Variants in RHOA observed in about 807,000 individuals in gnomAD.
RHOA encodes transforming protein RhoA.
RHOA carries 3 observed loss-of-function variants against 17.5 expected under a neutral mutation model. That is an observed-to-expected ratio of 0.17 (90% CI 0.08 to 0.44). The LOEUF (loss-of-function observed/expected upper bound fraction) is 0.44. RHOA is among the 20% of genes least tolerant of loss of function. The pLI, the probability that RHOA is intolerant of heterozygous loss-of-function variation, is 0.99. For synonymous variants in RHOA, 98 were observed against 88.4 expected (o/e 1.11, Z -0.61); for missense variants, 56 against 242.3 (o/e 0.23, Z 5.10).
intron 1 of RHOA, among the ~76,000 whole-genome samples, chr3:49,384,157 A>G (rs1248692093): frequency 6.6e-6 from 1 of 152,234 alleles, no homozygotes; most frequent in African/African-American, 2.4e-5. Flanking sequence ...GACAAAATGA[A>G]AGCCTAAGTG....
chr3:49,368,202 C>T (rs1424728409), intron 3 of RHOA, among the ~76,000 whole-genome samples: 6 of 152,152 alleles, frequency 3.9e-5, no homozygotes, highest in African/African-American at 7.2e-5. Context: ...TGTCAGGCAC[C>T]GTGCCCTGCC....
At chr3:49,401,184 G>A (rs905430981) in intron 1 of RHOA, among the ~76,000 whole-genome samples, 2 of 151,906 alleles carry the variant, frequency 1.3e-5, no homozygotes, top group East Asian at 1.9e-4. Flanking sequence ...TTGACCTTAG[G>A]AAGTTACTTC....
intron 2 of RHOA, 86 bp downstream of exon 2, chr3:49,375,348 A>T (rs1244386236): frequency 7.7e-7 from 1 of 1,305,268 alleles, no homozygotes; most frequent in Non-Finnish European, 1.1e-6. Context: ...GGTATACTGA[A>T]GAGGCAAAAA....
chr3:49,392,846 T>C (rs369214861), intron 1 of RHOA, among the ~76,000 whole-genome samples: 3 of 152,222 alleles, frequency 2.0e-5, no homozygotes, highest in African/African-American at 7.2e-5. Flanking sequence ...CAATTTAATG[T>C]CACAAATTTT....
chr3:49,411,550 G>A (rs113820926), intron 1 of RHOA, among the ~76,000 whole-genome samples: 1 of 152,042 alleles, frequency 6.6e-6, no homozygotes, highest in African/African-American at 2.4e-5. Context: ...GCGGGCAGGC[G>A]GGCAGCCTGG....
At chr3:49,376,283 G>A (rs2048225324) in intron 1 of RHOA, among the ~76,000 whole-genome samples, 1 of 152,084 alleles carries the variant, frequency 6.6e-6, no homozygotes, top group East Asian at 1.9e-4. Flanking sequence ...TGTAATGTGG[G>A]AAATCCTAAA....
intron 1 of RHOA, among the ~76,000 whole-genome samples, chr3:49,382,460 C>T (rs1438578272): frequency 6.6e-6 from 1 of 152,002 alleles, no homozygotes; most frequent in Non-Finnish European, 1.5e-5. Flanking sequence ...CACAGTGAAA[C>T]CCCATCTCTA....
At chr3:49,367,221 T>C (rs2048069908) in intron 3 of RHOA, among the ~76,000 whole-genome samples, 1 of 151,474 alleles carries the variant, frequency 6.6e-6, no homozygotes. Context: ...TGGCCACCTG[T>C]AGTCCCAGCT....
chr3:49,410,097 G>A (rs539258069), intron 1 of RHOA, among the ~76,000 whole-genome samples: 1 of 152,266 alleles, frequency 6.6e-6, no homozygotes, highest in South Asian at 2.1e-4. Context: ...TTTGGCAAAT[G>A]AACAGTTTCT....
At chr3:49,404,958 A>T (rs2048800677) in intron 1 of RHOA, among the ~76,000 whole-genome samples, 1 of 135,732 alleles carries the variant, frequency 7.4e-6, no homozygotes, top group Admixed American at 7.5e-5. Context: ...AAAATAATAA[A>T]AAAAGTAGGC....
At chr3:49,393,479 G>A (rs1469454904) in intron 1 of RHOA, among the ~76,000 whole-genome samples, 1 of 151,682 alleles carries the variant, frequency 6.6e-6, no homozygotes, top group Admixed American at 6.6e-5. Context: ...GCTAATTGCT[G>A]TAGAGATGGG....
chr3:49,365,886 C>T (rs138640910), intron 3 of RHOA, among the ~76,000 whole-genome samples: 10 of 151,940 alleles, frequency 6.6e-5, no homozygotes, highest in Admixed American at 2.6e-4. Context: ...CCACCATGCC[C>T]GGCCTAAAAA....
At chr3:49,404,735 C>T (rs2048793213) in intron 1 of RHOA, among the ~76,000 whole-genome samples, 1 of 148,608 alleles carries the variant, frequency 6.7e-6, no homozygotes, top group African/African-American at 2.5e-5. Flanking sequence ...TGGAGACCAG[C>T]CTGGGCAACA....
intron 1 of RHOA, among the ~76,000 whole-genome samples, chr3:49,407,631 T>C (rs2107913356): frequency 6.6e-6 from 1 of 152,332 alleles, no homozygotes; most frequent in Middle Eastern, 3.4e-3. Flanking sequence ...TTCTAGTTTT[T>C]TTTTTAATAT....
intron 2 of RHOA, among the ~76,000 whole-genome samples, chr3:49,369,548 C>T (rs941845368): frequency 6.8e-6 from 1 of 146,532 alleles, no homozygotes; most frequent in Non-Finnish European, 1.5e-5. Flanking sequence ...GCCTGGGCAA[C>T]ATGGTGAAAC....
At chr3:49,385,037 T>A (rs2048373801) in intron 1 of RHOA, among the ~76,000 whole-genome samples, 1 of 149,284 alleles carries the variant, frequency 6.7e-6, no homozygotes, top group African/African-American at 2.5e-5. Context: ...CACTCCAGTC[T>A]GGGTGACAGC....
At chr3:49,409,477 G>C (rs1463659847) in intron 1 of RHOA, among the ~76,000 whole-genome samples, 1 of 152,136 alleles carries the variant, frequency 6.6e-6, no homozygotes, top group African/African-American at 2.4e-5. Context: ...ATAATCACTA[G>C]TAACCACAAT....
chr3:49,385,706 T>C (rs1035534122), intron 1 of RHOA, among the ~76,000 whole-genome samples: 3 of 141,566 alleles, frequency 2.1e-5, no homozygotes, highest in African/African-American at 7.9e-5. Flanking sequence ...CTTCTTTCTA[T>C]AGTTTTAAGT....
At chr3:49,387,170 C>A (rs1185624459) in intron 1 of RHOA, among the ~76,000 whole-genome samples, 1 of 135,728 alleles carries the variant, frequency 7.4e-6, no homozygotes, top group Non-Finnish European at 1.6e-5. Context: ...ACAGGCCGGG[C>A]GTGGTGGCTC....
Sources: gnomAD v4.1 joint callset for allele counts (sites outside exome capture counted in the v4.1 genomes callset) on GRCh38, gnomAD v4.1.1 for gene constraint, MANE v1.5 for transcripts, NCBI Gene and HGNC (gene_info 2026-07-23, HGNC 2026-07-21) for gene names.